Variants in LASP1 observed in about 807,000 individuals in gnomAD.
LASP1 encodes the protein LIM and SH3 domain protein 1.
LASP1 carries 10 observed loss-of-function variants against 38.6 expected under a neutral mutation model. The ratio of observed to expected loss-of-function variants is 0.26; its 90% CI spans 0.16 to 0.44. The LOEUF (loss-of-function observed/expected upper bound fraction) is 0.44. LASP1 is among the 20% of genes least tolerant of loss of function. The pLI, the probability that LASP1 is intolerant of heterozygous loss-of-function variation, is 1.00. For synonymous variants in LASP1, 132 were observed against 140.8 expected, an observed-to-expected ratio of 0.94 and a Z score of 0.44; for missense variants, 243 against 375.7, an observed-to-expected ratio of 0.65 and a Z score of 2.92.
Position 38,921,691 on chromosome 17 carries a change from T to C in LASP1, c.*2913T>C, listed in dbSNP as rs1031616645. On this transcript the variant is annotated 3_prime_UTR_variant, in exon 7 of 7. Coordinates refer to ENST00000318008, the MANE Select transcript of LASP1 (RefSeq NM_006148.4). ...GGGATCAAACCTTTCTGGCCTGTTATGATTCTGAACATTTGACTTGAACCA... is the reference window on the plus strand; with the variant it reads ...GGGATCAAACCTTTCTGGCCTGTTACGATTCTGAACATTTGACTTGAACCA... 8.7e-6 allele frequency: 2 copies of C among 230,960 alleles called. No homozygotes were observed. The highest frequency in any genetic ancestry group is 2.2e-5 in the African/African-American group (1 of 45,218). The allele number at this position is 230,960 out of a possible 1,614,324, so 14.3% of individuals were successfully genotyped here.
intron 4 of LASP1, among the ~76,000 whole-genome samples, chr17:38,905,333 C>T (rs1257882179): frequency 6.6e-6 from 1 of 151,902 alleles, no homozygotes; most frequent in Admixed American, 6.6e-5. Context: ...TCAAGACCAT[C>T]CTGGCTAACA....
chr17:38,888,284 CT>C (rs112476804), intron 2 of LASP1, among the ~76,000 whole-genome samples: 316 of 143,718 alleles, frequency 2.2e-3, no homozygotes, highest in Middle Eastern at 3.6e-3. Context: ...CCTGGCGTGA[CT>C]TTTTTTTTTT....
chr17:38,875,240 G>T (rs1567694310), intron 1 of LASP1, among the ~76,000 whole-genome samples: 1 of 152,118 alleles, frequency 6.6e-6, no homozygotes, highest in African/African-American at 2.4e-5. Flanking sequence ...TGACCAGGCT[G>T]GGGCACCCTG....
chr17:38,889,399 G>T (rs1379507108), intron 2 of LASP1, among the ~76,000 whole-genome samples: 3 of 152,120 alleles, frequency 2.0e-5, no homozygotes, highest in Non-Finnish European at 4.4e-5. Context: ...CAAAGTGCTG[G>T]GATTACAGGC....
intron 2 of LASP1, among the ~76,000 whole-genome samples, chr17:38,884,432 G>T (rs1369021997): frequency 6.6e-6 from 1 of 150,578 alleles, no homozygotes; most frequent in East Asian, 1.9e-4. Flanking sequence ...TTGTTGCCCA[G>T]GCTGGAGTGC....
intron 1 of LASP1, among the ~76,000 whole-genome samples, chr17:38,877,289 G>A (rs575712368): frequency 1.4e-4 from 21 of 152,306 alleles, no homozygotes; most frequent in African/African-American, 2.2e-4. Flanking sequence ...GCAGGGCCCC[G>A]CCCAAGGCCA....
At chr17:38,876,945 C>T (rs1030198220) in intron 1 of LASP1, among the ~76,000 whole-genome samples, 22 of 152,040 alleles carry the variant, frequency 1.4e-4, no homozygotes, top group African/African-American at 4.6e-4. Context: ...CCTCATGATC[C>T]GCCCGCCTCG....
rs976531605 is a variant in LASP1 at position 38,918,281 on chromosome 17, CAT to C, written c.613-323_613-322del. On this transcript the variant is annotated intron_variant, in intron 6 of 6. Coordinates refer to ENST00000318008, the MANE Select transcript of LASP1 (RefSeq NM_006148.4). This position sits in a 1 kb window ranked among gnomAD's most constrained non-coding sequence, Gnocchi z 4.4. ...GGCGTGAGCCACTGCACCTGGCCTG[CAT>C]GTCGTATTTTTAGACATTACTCTGT... Among the ~76,000 whole-genome samples, 2 of 152,186 alleles carry C rather than the reference CAT, an allele frequency of 1.3e-5. No homozygotes were observed. Among genetic ancestry groups the C allele is most frequent in the African/African-American group, 4.8e-5 (2 of 41,438 alleles).
chr17:38,915,315 G>A (rs1415031425), intron 6 of LASP1, 169 bp downstream of exon 6: 1 of 580,496 alleles, frequency 1.7e-6, no homozygotes, highest in East Asian at 3.0e-5. Context: ...AGTGGGCAGA[G>A]GCTGGCTGGG....
chr17:38,911,012 C>T (rs989489511), intron 4 of LASP1, among the ~76,000 whole-genome samples: 10 of 152,152 alleles, frequency 6.6e-5, no homozygotes, highest in South Asian at 2.1e-4. Context: ...CGTGAGTCAC[C>T]GCGCCCGGCC....
Position 38,870,139 on chromosome 17 carries a change from A to G in LASP1, c.-51A>G, listed in dbSNP as rs752048218. The G allele has an allele frequency of 1.9e-6, 3 of 1,606,350 alleles. No homozygotes were observed. The highest frequency in any genetic ancestry group is 1.3e-5 in the African/African-American group (1 of 74,836). ...CGCCTCCCGCCAGCTCGCCTCGGGG[A>G]ACAGGACGCGCGTGAGCTCAGGCGT... On this transcript the variant is annotated 5_prime_UTR_variant, in exon 1 of 7. Transcript: ENST00000318008.
At chr17:38,894,429 C>T (rs577282963) in intron 3 of LASP1, among the ~76,000 whole-genome samples, 1 of 152,342 alleles carries the variant, frequency 6.6e-6, no homozygotes, top group Non-Finnish European at 1.5e-5. Flanking sequence ...AATCTCGCAT[C>T]TGCTGCCACC....
chr17:38,878,278 G>A (rs1010529241), intron 2 of LASP1, 98 bp downstream of exon 2: 45 of 777,562 alleles, frequency 5.8e-5, no homozygotes, highest in Middle Eastern at 2.5e-4. Flanking sequence ...TGACATTGGC[G>A]AACACTTCCA....
intron 6 of LASP1, chr17:38,915,638 G>T (rs1196739448): frequency 6.5e-6 from 1 of 152,684 alleles, no homozygotes; most frequent in African/African-American, 2.4e-5. Context: ...CTTCGTGTTG[G>T]TCACCTTCTC....
intron 4 of LASP1, among the ~76,000 whole-genome samples, chr17:38,910,089 A>C (rs1466425400): frequency 6.6e-6 from 1 of 152,204 alleles, no homozygotes; most frequent in Non-Finnish European, 1.5e-5. Context: ...CAAGTTTTAC[A>C]ATATACATTC....
intron 4 of LASP1, chr17:38,898,834 T>C (rs2143790610): frequency 2.2e-6 from 1 of 464,140 alleles, no homozygotes; most frequent in South Asian, 1.6e-5. Context: ...GAAGACTGCA[T>C]GTCTCATCTT....
intron 6 of LASP1, chr17:38,915,427 A>G (rs923400559): frequency 9.3e-6 from 3 of 322,104 alleles, no homozygotes; most frequent in Admixed American, 8.9e-5. Flanking sequence ...ACACAAGGCA[A>G]CTTTCTGCAT....
rs532832842 is a variant in LASP1 at position 38,895,343 on chromosome 17, C to T, written c.250-3069C>T. Among the ~76,000 whole-genome samples the T allele has an allele frequency of 6.0e-5, 9 of 151,038 alleles. No homozygotes were observed. The South Asian group carries it at 1.0e-3, about 18-fold the overall frequency. Reference sequence around the variant, plus strand: ...CTAATTTTTGTGTTTTTTTTTTAGACGGAGTTTTACTCTGTCGCCCAGCCT... The same window carrying T: ...CTAATTTTTGTGTTTTTTTTTTAGATGGAGTTTTACTCTGTCGCCCAGCCT... On this transcript the variant is annotated intron_variant, in intron 3 of 6. Transcript: ENST00000318008.
intron 3 of LASP1, among the ~76,000 whole-genome samples, chr17:38,894,718 G>T (rs1297129118): frequency 2.0e-5 from 3 of 151,972 alleles, no homozygotes; most frequent in East Asian, 1.9e-4. Flanking sequence ...CTCTCCATCT[G>T]TGTGTGTCTA....
Sources: gnomAD v4.1 joint callset for allele counts (sites outside exome capture counted in the v4.1 genomes callset) on GRCh38, gnomAD v4.1.1 for gene constraint, Gnocchi (gnomAD v3.1) non-coding constraint, MANE v1.5 for transcripts, NCBI Gene and HGNC (gene_info 2026-07-23, HGNC 2026-07-21) for gene names.